DPH6: variants seen among roughly 807,000 people sequenced by gnomAD.
DPH6 encodes diphthamine biosynthesis 6, also known as diphthine--ammonia ligase.
In DPH6, 33 loss-of-function variants were observed where a neutral mutation model predicts 38.2. That is an observed-to-expected ratio of 0.86 (90% confidence interval 0.65 to 1.15). The LOEUF is 1.15. DPH6 is among the 50% of genes most tolerant of loss of function. The probability of loss-of-function intolerance (pLI) is 0.00; values close to 1 mark genes in which losing one functional copy is unlikely to be tolerated. For missense variants in DPH6, 325 were observed against 320.0 expected, an observed-to-expected ratio of 1.02 and a Z score of -0.12; for synonymous variants, 108 against 103.0, an observed-to-expected ratio of 1.05 and a Z score of -0.30.
intron 3 of DPH6, among the ~76,000 whole-genome samples, chr15:35,350,887 G>A (rs1356055534): frequency 3.3e-5 from 5 of 152,154 alleles, no homozygotes; most frequent in African/African-American, 1.2e-4. Flanking sequence ...CATTTTAGAA[G>A]AATGTGTATT....
chr15:35,461,234 C>T (rs73380742), intron 3 of DPH6, among the ~76,000 whole-genome samples: 4,849 of 152,284 alleles, frequency 0.032, 239 homozygotes, highest in African/African-American at 0.11. Context: ...CAGGCGCGTG[C>T]CACCATACCC....
chr15:35,488,730 T>G (rs752808015), intron 3 of DPH6, among the ~76,000 whole-genome samples: 7 of 152,146 alleles, frequency 4.6e-5, no homozygotes, highest in African/African-American at 1.7e-4. Context: ...TTGTACATTA[T>G]GTAAAATAAG....
chr15:35,388,144 T>G (rs1216170832), intron 6 of DPH6, among the ~76,000 whole-genome samples: 1 of 152,234 alleles, frequency 6.6e-6, no homozygotes, highest in Non-Finnish European at 1.5e-5. Context: ...TGGATTACAT[T>G]TATTGATTTT....
chr15:35,214,701 G>A (rs555746197), downstream of DPH6, among the ~76,000 whole-genome samples: 2 of 152,086 alleles, frequency 1.3e-5, no homozygotes, highest in Non-Finnish European at 1.5e-5. Flanking sequence ...TCCGCCTCAC[G>A]GGTTCAAGTG....
At chr15:35,459,367 G>A (rs114129303) in intron 3 of DPH6, among the ~76,000 whole-genome samples, 1 of 152,040 alleles carries the variant, frequency 6.6e-6, no homozygotes, top group Non-Finnish European at 1.5e-5. Context: ...CTATCATGAG[G>A]GCCTCACTTT....
chr15:35,455,236 A>C (rs1566916339), intron 3 of DPH6, among the ~76,000 whole-genome samples: 2 of 152,202 alleles, frequency 1.3e-5, no homozygotes, highest in East Asian at 3.8e-4. Context: ...AAGGGAGCAC[A>C]ATAATTTTTC....
intron 3 of DPH6, among the ~76,000 whole-genome samples, chr15:35,490,525 T>C (rs1566929145): frequency 6.6e-6 from 1 of 152,186 alleles, no homozygotes; most frequent in Non-Finnish European, 1.5e-5. Context: ...GATTCATTCA[T>C]GCTATTTTAC....
the DPH6 span, among the ~76,000 whole-genome samples, chr15:35,195,330 G>A: frequency 1.3e-5 from 2 of 152,142 alleles, no homozygotes; most frequent in Non-Finnish European, 1.5e-5. Flanking sequence ...TGGACACTGA[G>A]GTTGATTCCC....
At chr15:35,485,137 T>A (rs1298145413) in intron 3 of DPH6, among the ~76,000 whole-genome samples, 2 of 152,136 alleles carry the variant, frequency 1.3e-5, no homozygotes, top group African/African-American at 4.8e-5. Context: ...ATTTTAAAAA[T>A]GAGAAAACTG....
At chr15:35,418,165 C>T (rs1011110039) in intron 5 of DPH6, among the ~76,000 whole-genome samples, 43 of 151,936 alleles carry the variant, frequency 2.8e-4, no homozygotes, top group Non-Finnish European at 5.9e-4. Flanking sequence ...TACAATTTAC[C>T]GCTTGAGCCA....
At position 35,542,440 on chromosome 15, in the gene DPH6, C is replaced by T. The variant is rs755947387; in HGVS notation, c.91G>A (p.Ala31Thr). Residue 31 changes from alanine (A) to threonine (T), a missense_variant, in exon 2 of 9, where the codon GCA becomes ACA. Physicochemically the swap from Ala to Thr is moderately conservative, Grantham distance 58. Transcript: ENST00000256538. ...TGGTTTTCAGCTGGTCTTAGATTTG[C>T]TAAAGCAACGATCTGATGCCCAGCA... ...IAAGHQIVAL[A>T]NLRPAENQVG... 8 of 1,575,126 alleles carry T rather than the reference C, an allele frequency of 5.1e-6. No homozygotes were observed. In the South Asian group the frequency reaches 9.1e-5, roughly 18 times the overall value.
intron 5 of DPH6, among the ~76,000 whole-genome samples, chr15:35,418,274 A>G (rs911216740): frequency 3.3e-5 from 5 of 152,182 alleles, no homozygotes; most frequent in African/African-American, 1.2e-4. Flanking sequence ...ATAAATATCA[A>G]TATCAAGAAA....
At chr15:35,408,799 T>C (rs920950627) in intron 6 of DPH6, among the ~76,000 whole-genome samples, 1 of 152,002 alleles carries the variant, frequency 6.6e-6, no homozygotes, top group African/African-American at 2.4e-5. Context: ...TGTATCCGTT[T>C]AGAGGCAGAA....
At position 35,538,456 on chromosome 15, in the gene DPH6, C is replaced by A; in HGVS notation, c.130G>T (p.Glu44Ter). Residue 44 changes from glutamate (E) to a stop codon, truncating the protein, a stop_gained, in exon 3 of 9, where the codon GAA becomes TAA. Coordinates refer to ENST00000256538, the MANE Select transcript of DPH6 (RefSeq NM_080650.4). LOFTEE classifies it high-confidence loss of function. ...RPAENQVGSDELDSYMYQTVG... is the reference protein window; with the variant it reads ...RPAENQVGSD ...GTCTGATACATGTAGCTATCCAGTT[C>A]ATCAGACCCCACTGCAACAATTAAA... The A allele has an allele frequency of 6.5e-7, 1 of 1,538,468 alleles. No homozygotes were observed. The highest frequency in any genetic ancestry group is 1.2e-5 in the South Asian group (1 of 81,448).
At chr15:35,288,539 ATTTAT>A (rs1283702828) in intron 3 of DPH6, among the ~76,000 whole-genome samples, 2 of 152,040 alleles carry the variant, frequency 1.3e-5, no homozygotes, top group Admixed American at 6.6e-5. Context: ...ACCGCTTCCT[ATTTAT>A]TTTATTTTGA....
chr15:35,248,870 T>A (rs1450939168), intron 3 of DPH6, among the ~76,000 whole-genome samples: 1 of 152,224 alleles, frequency 6.6e-6, no homozygotes, highest in Non-Finnish European at 1.5e-5. Flanking sequence ...AGAGGAGCTA[T>A]GGAAATCATT....
intron 5 of DPH6, among the ~76,000 whole-genome samples, chr15:35,428,870 T>C (rs1250003667): frequency 6.6e-6 from 1 of 152,146 alleles, no homozygotes; most frequent in East Asian, 1.9e-4. Flanking sequence ...TTTGTTTCTG[T>C]GTCCCACTTT....
intron 3 of DPH6, among the ~76,000 whole-genome samples, chr15:35,494,809 T>C (rs1370143483): frequency 6.6e-6 from 1 of 152,010 alleles, no homozygotes; most frequent in African/African-American, 2.4e-5. Flanking sequence ...AAAAACTTGC[T>C]TAACAAATGA....
intron 3 of DPH6, among the ~76,000 whole-genome samples, chr15:35,272,727 G>A (rs529817113): frequency 3.8e-4 from 58 of 152,034 alleles, no homozygotes; most frequent in Non-Finnish European, 5.3e-4. Context: ...TGGCCAACAT[G>A]GTGAAACCCA....
Sources: gnomAD v4.1 joint callset for allele counts (sites outside exome capture counted in the v4.1 genomes callset) on GRCh38, gnomAD v4.1.1 for gene constraint, MANE v1.5 for transcripts, NCBI Gene and HGNC (gene_info 2026-07-23, HGNC 2026-07-21) for gene names.